The following LARGE1 variants were observed in gnomAD, a reference collection of about 807,000 sequenced individuals.
The protein encoded by LARGE1 is xylosyl- and glucuronyltransferase LARGE1.
LARGE1 carries 43 observed loss-of-function variants against 87.6 expected under a neutral mutation model. That is an observed-to-expected ratio of 0.49 (90% CI 0.38 to 0.63). The LOEUF (loss-of-function observed/expected upper bound fraction) is 0.63. Among genes scored for constraint, LARGE1 ranks in the 30% least tolerant of loss-of-function variants. The pLI is 0.00. For synonymous variants in LARGE1, 434 were observed against 394.6 expected (o/e 1.10, Z -1.18); for missense variants, 802 against 1,000.2 (o/e 0.80, Z 2.67).
chr22:33,534,167 G>C (rs1202118146), intron 6 of LARGE1, among the ~76,000 whole-genome samples: 1 of 152,064 alleles, frequency 6.6e-6, no homozygotes, highest in African/African-American at 2.4e-5. Flanking sequence ...CACTTTGGGA[G>C]GCCGAGGCAG....
chr22:33,309,326 C>T (rs920187188), intron 11 of LARGE1, among the ~76,000 whole-genome samples: 2 of 152,308 alleles, frequency 1.3e-5, no homozygotes, highest in Non-Finnish European at 2.9e-5. Context: ...ACCACCACAG[C>T]TGGCTAAGTT....
At chr22:33,354,766 T>C (rs1448914558) in intron 9 of LARGE1, among the ~76,000 whole-genome samples, 1 of 152,232 alleles carries the variant, frequency 6.6e-6, no homozygotes, top group East Asian at 1.9e-4. Flanking sequence ...GATCTGTGAA[T>C]TTTAGGAGGG....
intron 6 of LARGE1, among the ~76,000 whole-genome samples, chr22:33,552,740 G>C (rs1008318125): frequency 4.6e-5 from 7 of 152,182 alleles, no homozygotes; most frequent in African/African-American, 1.7e-4. Flanking sequence ...ACATTTGCCA[G>C]GAGAAAAAGA....
chr22:33,127,162 C>T, the LARGE1 span, among the ~76,000 whole-genome samples: 34 of 152,186 alleles, frequency 2.2e-4, no homozygotes, highest in Non-Finnish European at 4.3e-4. Context: ...TCAAACGGAA[C>T]GCATAGGAGC....
chr22:33,796,767 C>CTTTTT (rs35532520), intron 1 of LARGE1, among the ~76,000 whole-genome samples: 1 of 106,092 alleles, frequency 9.4e-6, no homozygotes, highest in Admixed American at 9.9e-5. Context: ...AAGACTTGGG[C>CTTTTT]TTTTTTTTTT....
At chr22:33,765,581 T>C (rs913014318) in intron 1 of LARGE1, among the ~76,000 whole-genome samples, 4 of 151,766 alleles carry the variant, frequency 2.6e-5, no homozygotes, top group Non-Finnish European at 5.9e-5. Context: ...GGTGGGCGCC[T>C]GTAATCCCAG....
intron 3 of LARGE1, among the ~76,000 whole-genome samples, chr22:33,630,099 T>A (rs2080057826): frequency 6.6e-6 from 1 of 152,080 alleles, no homozygotes. Flanking sequence ...CTCAGGAGGC[T>A]GAGGCAGGAG....
intron 6 of LARGE1, among the ~76,000 whole-genome samples, chr22:33,466,149 G>T (rs1316725679): frequency 1.3e-5 from 2 of 152,092 alleles, no homozygotes; most frequent in Non-Finnish European, 2.9e-5. Flanking sequence ...CACCAGCTCT[G>T]CCCTGTCTCA....
chr22:33,144,764 C>A, the LARGE1 span, among the ~76,000 whole-genome samples: 1 of 151,966 alleles, frequency 6.6e-6, no homozygotes, highest in Admixed American at 6.6e-5. Flanking sequence ...CTTTTATGTT[C>A]CAAGCATGTA....
Position 33,283,245 on chromosome 22 carries a change from C to T in LARGE1, c.1834G>A (p.Glu612Lys). The change falls in exon 13 of 15, where the codon GAG (glutamate) becomes AAG (lysine). Residue 612 changes from glutamate (E) to lysine (K), a missense_variant. Transcript: ENST00000397394. ...CCCATGTCCAGCATTGACAGCAACTCCGCTTTTGACTTGGGGAAGGACAGC... is the reference window on the plus strand; with the variant it reads ...CCCATGTCCAGCATTGACAGCAACTTCGCTTTTGACTTGGGGAAGGACAGC... ...YRLSFPKSKAELLSMLDMGTL... is the reference protein window; with the variant it reads ...YRLSFPKSKAKLLSMLDMGTL... The T allele has an allele frequency of 1.9e-6, 3 of 1,614,176 alleles. No homozygotes were observed. The highest frequency in any genetic ancestry group is 1.1e-5 in the South Asian group (1 of 91,076).
At chr22:33,100,971 G>A in the LARGE1 span, among the ~76,000 whole-genome samples, 7 of 151,402 alleles carry the variant, frequency 4.6e-5, no homozygotes, top group African/African-American at 2.4e-5. Context: ...TCAGCCTCCC[G>A]AGTAGCTGGG....
chr22:33,170,409 T>G (rs1484980981), intron 11 of LARGE1, among the ~76,000 whole-genome samples: 2 of 151,938 alleles, frequency 1.3e-5, no homozygotes, highest in Non-Finnish European at 2.9e-5. Flanking sequence ...AAAGGAGACC[T>G]CATAGAGCTA....
intron 1 of LARGE1, among the ~76,000 whole-genome samples, chr22:33,770,409 C>T (rs976095574): frequency 6.6e-6 from 1 of 152,168 alleles, no homozygotes; most frequent in Non-Finnish European, 1.5e-5. Flanking sequence ...ATGCCAGGTG[C>T]AGTGGCTCAT....
At chr22:33,634,893 C>T (rs240602) in intron 3 of LARGE1, among the ~76,000 whole-genome samples, 72,528 of 151,670 alleles carry the variant, frequency 0.48, 20,120 homozygotes, top group Middle Eastern at 0.65. Flanking sequence ...CTTTGGGAGG[C>T]TGAGGCGGGT....
At chr22:33,843,256 G>A (rs1388680805) in intron 1 of LARGE1, among the ~76,000 whole-genome samples, 1 of 151,994 alleles carries the variant, frequency 6.6e-6, no homozygotes, top group Non-Finnish European at 1.5e-5. Context: ...CAGACTGGAA[G>A]GCAGAGAGGG....
At chr22:33,512,675 C>A (rs568588032) in intron 6 of LARGE1, among the ~76,000 whole-genome samples, 6 of 152,094 alleles carry the variant, frequency 3.9e-5, no homozygotes, top group African/African-American at 1.2e-4. Flanking sequence ...TGGTGGCAGG[C>A]GCCTGTAATC....
chr22:33,358,057 C>A (rs1033225900), intron 9 of LARGE1, among the ~76,000 whole-genome samples: 3 of 152,288 alleles, frequency 2.0e-5, no homozygotes, highest in African/African-American at 7.2e-5. Context: ...CGCATACAAG[C>A]CACAGGGCAA....
At chr22:33,446,797 G>A (rs571867424) in intron 6 of LARGE1, among the ~76,000 whole-genome samples, 4 of 152,284 alleles carry the variant, frequency 2.6e-5, no homozygotes, top group South Asian at 2.1e-4. Context: ...TGACACCAGG[G>A]CACCATCTGC....
At chr22:33,907,118 G>GC (rs1339756136) in intron 1 of LARGE1, among the ~76,000 whole-genome samples, 1 of 152,078 alleles carries the variant, frequency 6.6e-6, no homozygotes, top group Non-Finnish European at 1.5e-5. Flanking sequence ...AACACCACGT[G>GC]CCAAGTGCAA....
Sources: allele counts gnomAD v4.1 joint callset (sites outside exome capture counted in the v4.1 genomes callset), GRCh38; gene constraint gnomAD v4.1.1; transcripts MANE v1.5; gene names NCBI Gene and HGNC (gene_info 2026-07-23, HGNC 2026-07-21).